PTPRG: variants seen among roughly 807,000 people sequenced by gnomAD.
The protein encoded by PTPRG is protein tyrosine phosphatase receptor type G.
PTPRG carries 102 observed loss-of-function variants against 165.3 expected under a neutral mutation model. That is an observed-to-expected ratio of 0.62 (90% CI 0.53 to 0.73). The LOEUF is 0.73. Among genes scored for constraint, PTPRG ranks in the 30% least tolerant of loss-of-function variants. PTPRG has a pLI of 0.00. For missense variants in PTPRG, 1,866 were observed against 1,861.4 expected (o/e 1.00, Z -0.05); for synonymous variants, 675 against 669.5 (o/e 1.01, Z -0.13).
intron 1 of PTPRG, among the ~76,000 whole-genome samples, chr3:61,644,909 T>C (rs1702160493): frequency 6.6e-6 from 1 of 152,200 alleles, no homozygotes; most frequent in South Asian, 2.1e-4. Flanking sequence ...AGGTGTTGCT[T>C]TATGGTCGAC....
chr3:61,633,017 T>G (rs967880695), intron 1 of PTPRG, among the ~76,000 whole-genome samples: 1 of 151,954 alleles, frequency 6.6e-6, no homozygotes, highest in African/African-American at 2.4e-5. Flanking sequence ...ACAGAAAGAG[T>G]CATCCCCACC....
rs796152535 is a variant in PTPRG at position 61,871,128 on chromosome 3, ATGTTGTGTTGTGTTG to A, written c.191-118472_191-118458del. Among the ~76,000 whole-genome samples, 4 of 123,146 alleles carry A rather than the reference ATGTTGTGTTGTGTTG, an allele frequency of 3.2e-5. 1 individual carries two copies. The South Asian group carries it at 1.2e-3, about 36-fold the overall frequency. The allele number at this position is 123,146 out of a possible 152,430, so 80.8% of individuals were successfully genotyped here. A position where few individuals can be genotyped will look rare whatever the true frequency, so the allele number is the denominator to read the frequency against. ...ATTCCCTGTTATGTTATGTTATGTT[ATGTTGTGTTGTGTTG>A]TGTTGTGTTGTGTTGTGTTGTGTTA... On this transcript the variant is annotated intron_variant, in intron 2 of 29. Coordinates refer to ENST00000474889, the MANE Select transcript of PTPRG (RefSeq NM_002841.4).
intron 1 of PTPRG, among the ~76,000 whole-genome samples, chr3:61,609,019 G>A (rs1307852870): frequency 1.3e-5 from 2 of 152,146 alleles, no homozygotes; most frequent in African/African-American, 4.8e-5. Context: ...TGTGAGGTTG[G>A]GTCAGCCTGA....
intron 2 of PTPRG, among the ~76,000 whole-genome samples, chr3:61,904,655 A>C (rs932614215): frequency 3.9e-5 from 6 of 152,112 alleles, no homozygotes; most frequent in Admixed American, 2.0e-4. Flanking sequence ...ACTACATTTA[A>C]ATTGTTACTC....
intron 6 of PTPRG, among the ~76,000 whole-genome samples, chr3:62,142,415 C>G (rs980749727): frequency 6.6e-6 from 1 of 152,054 alleles, no homozygotes; most frequent in Non-Finnish European, 1.5e-5. Flanking sequence ...GTGTTGGTCA[C>G]ACACCCACAC....
chr3:61,649,321 T>G (rs1403506600), intron 1 of PTPRG, among the ~76,000 whole-genome samples: 2 of 152,194 alleles, frequency 1.3e-5, no homozygotes, highest in Non-Finnish European at 2.9e-5. Context: ...TGCCTGGCTT[T>G]GGTAATTTAT....
intron 2 of PTPRG, among the ~76,000 whole-genome samples, chr3:61,762,699 T>A (rs2033893916): frequency 6.6e-6 from 1 of 152,132 alleles, no homozygotes; most frequent in Admixed American, 6.5e-5. Context: ...GGAGTATGAA[T>A]GAGTATAAGG....
At chr3:62,081,811 C>G (rs1701593182) in intron 5 of PTPRG, among the ~76,000 whole-genome samples, 1 of 152,172 alleles carries the variant, frequency 6.6e-6, no homozygotes, top group Non-Finnish European at 1.5e-5. Context: ...TTTGATATTT[C>G]TTCCCAAAAT....
chr3:62,081,039 C>T (rs1334385118), intron 5 of PTPRG, among the ~76,000 whole-genome samples: 2 of 151,914 alleles, frequency 1.3e-5, no homozygotes, highest in Non-Finnish European at 2.9e-5. Flanking sequence ...GGGCGGATCA[C>T]TAGTTCAGGA....
Position 61,681,662 on chromosome 3 carries a change from T to C in PTPRG, c.86-67216T>C, listed in dbSNP as rs72876288. Among the ~76,000 whole-genome samples, 355 of 152,270 alleles carry C rather than the reference T, an allele frequency of 2.3e-3. 3 individuals are homozygous for C. Among genetic ancestry groups the C allele is most frequent in the African/African-American group, 8.2e-3 (340 of 41,534 alleles). ...GGACTCATGCCCCATGGAATTTCTA[T>C]AGGGTTTAGATGAGATAATACATGT... On this transcript the variant is annotated intron_variant, in intron 1 of 29. Coordinates refer to ENST00000474889, the MANE Select transcript of PTPRG (RefSeq NM_002841.4).
Position 62,273,518 on chromosome 3 carries a change from A to G in PTPRG, c.3319-180A>G. Reference sequence around the variant, plus strand: ...CAGAGCTAAACTTAACACAGTCTCTACCGTAAAATAAGTTAAGACTGATAA... The same window carrying G: ...CAGAGCTAAACTTAACACAGTCTCTGCCGTAAAATAAGTTAAGACTGATAA... On this transcript the variant is annotated intron_variant, in intron 22 of 29. Transcript: ENST00000474889. The surrounding 1 kb of genome is among the most constrained non-coding windows in gnomAD (Gnocchi z 4.1). Among the ~76,000 whole-genome samples, 1 of 152,208 alleles carries G rather than the reference A, an allele frequency of 6.6e-6. No individual in the cohort carries two copies. The highest frequency in any genetic ancestry group is 1.9e-4 in the East Asian group (1 of 5,194).
Position 62,073,810 on chromosome 3 carries a change from C to T in PTPRG, c.520-4353C>T, listed in dbSNP as rs139865311. ...AACCTCAATTCTATGAAATTTCTGC[C>T]CTGTACGCTTCCAACTGTCAGAGTA... On this transcript the variant is annotated intron_variant, in intron 4 of 29. Coordinates refer to ENST00000474889, the MANE Select transcript of PTPRG (RefSeq NM_002841.4). 9.3e-3 allele frequency among the ~76,000 whole-genome samples: 1,412 copies of T among 152,204 alleles called. 15 individuals carry two copies. The highest frequency in any genetic ancestry group is 0.032 in the African/African-American group (1,324 of 41,526).
rs1372356935 is a variant in PTPRG at position 62,272,936 on chromosome 3, T to C, written c.3183-10T>C. The C allele has an allele frequency of 6.3e-7, 1 of 1,579,256 alleles. No individual in the cohort carries two copies. Among genetic ancestry groups the C allele is most frequent in the Non-Finnish European group, 8.6e-7 (1 of 1,165,292 alleles). ...CAAAAGTGCCAGTTGAGTGTCTTCA[T>C]TTCTTACAGTGCTGGTGTGGGCAGA... On this transcript the variant is annotated splice_polypyrimidine_tract_variant and intron_variant, in intron 21 of 29. Coordinates refer to ENST00000474889, the MANE Select transcript of PTPRG (RefSeq NM_002841.4).
intron 2 of PTPRG, among the ~76,000 whole-genome samples, chr3:61,929,379 TTTC>T (rs2107579683): frequency 1.3e-5 from 2 of 152,304 alleles, no homozygotes; most frequent in East Asian, 3.9e-4. Flanking sequence ...AGATCGAGCG[TTTC>T]TTTAGTGGCA....
intron 2 of PTPRG, among the ~76,000 whole-genome samples, chr3:61,871,163 G>GTGTTGTGTTGTGTTATGTTA (rs2037566160): frequency 4.3e-5 from 5 of 116,656 alleles, no homozygotes; most frequent in African/African-American, 1.3e-4. Flanking sequence ...GTGTTGTGTT[G>GTGTTGTGTTGTGTTATGTTA]TGTTATGTTA....
intron 4 of PTPRG, among the ~76,000 whole-genome samples, chr3:62,030,197 GTTTTT>G (rs11351369): frequency 6.9e-6 from 1 of 144,794 alleles, no homozygotes; most frequent in African/African-American, 2.5e-5. Flanking sequence ...TTTTCCCTGT[GTTTTT>G]TTTTTTTTTT....
chr3:62,195,857 G>A lies in PTPRG; in HGVS notation c.1327+687G>A, dbSNP rs1699948820. 6.6e-6 allele frequency among the ~76,000 whole-genome samples: 1 copy of A among 152,068 alleles called. No individual in the cohort carries two copies. Among genetic ancestry groups the A allele is most frequent in the Admixed American group, 6.5e-5 (1 of 15,282 alleles). On this transcript the variant is annotated intron_variant, in intron 10 of 29. Coordinates refer to ENST00000474889, the MANE Select transcript of PTPRG (RefSeq NM_002841.4). This position sits in a 1 kb window ranked among gnomAD's most constrained non-coding sequence, Gnocchi z 4.4. ...TGCCCAAGCTGGAGTGCAGTGGGGT[G>A]GTGTTGGCTCACTGCAACCTCTGCC...
intron 2 of PTPRG, among the ~76,000 whole-genome samples, chr3:61,796,933 T>C (rs1365300845): frequency 6.6e-6 from 1 of 152,196 alleles, no homozygotes; most frequent in Non-Finnish European, 1.5e-5. Flanking sequence ...CCATATGTTT[T>C]CATGAAACCA....
intron 2 of PTPRG, among the ~76,000 whole-genome samples, chr3:61,873,429 T>C (rs982811144): frequency 1.2e-4 from 18 of 152,276 alleles, no homozygotes; most frequent in African/African-American, 3.8e-4. Flanking sequence ...ATTTTAAATA[T>C]AGTAGCAAAA....
Sources: gnomAD v4.1 joint callset for allele counts (sites outside exome capture counted in the v4.1 genomes callset) on GRCh38, gnomAD v4.1.1 for gene constraint, Gnocchi (gnomAD v3.1) non-coding constraint, MANE v1.5 for transcripts, NCBI Gene and HGNC (gene_info 2026-07-23, HGNC 2026-07-21) for gene names.